KCNB2: variants seen among roughly 807,000 people sequenced by gnomAD.
KCNB2 encodes the protein delayed rectifier potassium channel protein.
Under a neutral mutation model 61.5 loss-of-function variants are expected in KCNB2, and 15 were observed. The ratio of observed to expected loss-of-function variants is 0.24; its 90% confidence interval spans 0.16 to 0.38. KCNB2 has a LOEUF of 0.38. KCNB2 is among the 10% of genes least tolerant of loss of function. The pLI is 1.00. For synonymous variants in KCNB2, 457 were observed against 446.0 expected, an observed-to-expected ratio of 1.02 and a Z score of -0.31; for missense variants, 828 against 1,125.2, an observed-to-expected ratio of 0.74 and a Z score of 3.78.
intron 2 of KCNB2, among the ~76,000 whole-genome samples, chr8:72,919,290 GTCT>G (rs1255489798): frequency 6.6e-6 from 1 of 152,040 alleles, no homozygotes; most frequent in African/African-American, 2.4e-5. Flanking sequence ...TGCCCACTAA[GTCT>G]TCTCCTTCTC....
intron 2 of KCNB2, among the ~76,000 whole-genome samples, chr8:72,575,250 C>T (rs1806777042): frequency 6.8e-6 from 1 of 146,726 alleles, no homozygotes; most frequent in South Asian, 2.3e-4. Flanking sequence ...CTCCCCCACC[C>T]CCGCCCCAGC....
At chr8:72,555,449 C>A (rs1273843007) in intron 1 of KCNB2, among the ~76,000 whole-genome samples, 1 of 151,570 alleles carries the variant, frequency 6.6e-6, no homozygotes, top group Non-Finnish European at 1.5e-5. Context: ...GAAATAAAAT[C>A]CAAATTGTAA....
At chr8:72,565,584 C>T (rs553899691) in intron 1 of KCNB2, among the ~76,000 whole-genome samples, 5 of 151,860 alleles carry the variant, frequency 3.3e-5, no homozygotes, top group Admixed American at 6.6e-5. Context: ...ATAAGAGGGA[C>T]TACAAGAGCA....
At chr8:72,671,871 A>G (rs1806571444) in intron 2 of KCNB2, among the ~76,000 whole-genome samples, 1 of 152,172 alleles carries the variant, frequency 6.6e-6, no homozygotes, top group African/African-American at 2.4e-5. Context: ...GATAGTGCTG[A>G]GTTCCCCAAA....
chr8:72,756,360 C>G (rs779173326), intron 2 of KCNB2, among the ~76,000 whole-genome samples: 12 of 152,196 alleles, frequency 7.9e-5, no homozygotes, highest in Non-Finnish European at 1.5e-5. Context: ...TCTGTGATAT[C>G]TTATACCAGT....
At chr8:72,686,421 T>C (rs9643656) in intron 2 of KCNB2, among the ~76,000 whole-genome samples, 82,008 of 151,854 alleles carry the variant, frequency 0.54, 22,686 homozygotes, top group Non-Finnish European at 0.59. Flanking sequence ...AATCATAGCT[T>C]ACTGGCCCCT....
At chr8:72,756,830 T>G (rs1808298195) in intron 2 of KCNB2, among the ~76,000 whole-genome samples, 1 of 152,070 alleles carries the variant, frequency 6.6e-6, no homozygotes, top group African/African-American at 2.4e-5. Context: ...AGTCATTGAA[T>G]AGGGAGTCAA....
At position 72,935,974 on chromosome 8, in the gene KCNB2, A is replaced by G; in HGVS notation, c.619A>G (p.Thr207Ala). The stretch of plus-strand genomic sequence containing the variant: ...GTCTATCCTGTTCATTGTGCTTTCC[A>G]CCATTGCTTTGTCTCTCAATACGCT... ...IVSILFIVLS[T>A]IALSLNTLPE... The change falls in exon 3 of 3, where the codon ACC becomes GCC. Residue 207 changes from threonine (T) to alanine (A), a missense_variant. Coordinates refer to ENST00000523207, the MANE Select transcript of KCNB2 (RefSeq NM_004770.3). The G allele has an allele frequency of 6.2e-7, 1 of 1,613,994 alleles. No individual in the cohort carries two copies. The highest frequency in any genetic ancestry group is 8.5e-7 in the Non-Finnish European group (1 of 1,179,984).
intron 2 of KCNB2, among the ~76,000 whole-genome samples, chr8:72,588,094 C>T (rs561258639): frequency 6.6e-6 from 1 of 152,284 alleles, no homozygotes; most frequent in African/African-American, 2.4e-5. Flanking sequence ...ATGGTCACAT[C>T]TCTTAAACCT....
intron 2 of KCNB2, among the ~76,000 whole-genome samples, chr8:72,824,632 T>C (rs944958376): frequency 6.6e-6 from 1 of 152,182 alleles, no homozygotes; most frequent in Non-Finnish European, 1.5e-5. Context: ...AAAGAAGCAA[T>C]TTTAATGTAA....
intron 2 of KCNB2, among the ~76,000 whole-genome samples, chr8:72,664,505 A>G (rs1445492765): frequency 6.6e-6 from 1 of 152,232 alleles, no homozygotes; most frequent in Admixed American, 6.5e-5. Flanking sequence ...TCAGCATAAA[A>G]TGCCACCTCT....
chr8:72,730,639 T>C (rs892280947), intron 2 of KCNB2, among the ~76,000 whole-genome samples: 1 of 152,188 alleles, frequency 6.6e-6, no homozygotes, highest in Admixed American at 6.5e-5. Flanking sequence ...AGCTCTTTCT[T>C]AGATACTTTT....
intron 2 of KCNB2, among the ~76,000 whole-genome samples, chr8:72,776,046 A>T (rs1213745407): frequency 2.0e-5 from 3 of 152,190 alleles, no homozygotes; most frequent in Non-Finnish European, 2.9e-5. Flanking sequence ...TGTGGCACAT[A>T]TACACCATGG....
At chr8:72,653,702 A>G (rs1289261654) in intron 2 of KCNB2, among the ~76,000 whole-genome samples, 3 of 152,176 alleles carry the variant, frequency 2.0e-5, no homozygotes, top group Non-Finnish European at 4.4e-5. Flanking sequence ...GGCTGCTTCC[A>G]TGCTATAACA....
intron 2 of KCNB2, among the ~76,000 whole-genome samples, chr8:72,589,825 T>G (rs1807064916): frequency 6.6e-6 from 1 of 152,254 alleles, no homozygotes; most frequent in Admixed American, 6.5e-5. Flanking sequence ...AACATACATC[T>G]GCAGATGCTG....
rs112420842 is a variant in KCNB2, at chr8:72,814,188, T to C, written c.580-121747T>C. Among the ~76,000 whole-genome samples the C allele has an allele frequency of 3.5e-3, 533 of 152,360 alleles. 4 individuals are homozygous for C. The highest frequency in any genetic ancestry group is 0.01 in the Middle Eastern group (3 of 294). ...TTGTGAATACATATTAATTTAATTA[T>C]CATTGCTGTATAAGTATTGCCTTGT... On this transcript the variant is annotated intron_variant, in intron 2 of 2. Transcript: ENST00000523207.
chr8:72,599,754 AAAAC>A (rs1264545657), intron 2 of KCNB2, among the ~76,000 whole-genome samples: 2 of 152,182 alleles, frequency 1.3e-5, no homozygotes, highest in East Asian at 1.9e-4. Flanking sequence ...TTACAATAAA[AAAAC>A]AAACAACCCC....
chr8:72,659,162 C>T (rs763411534), intron 2 of KCNB2, among the ~76,000 whole-genome samples: 3 of 152,108 alleles, frequency 2.0e-5, no homozygotes, highest in Non-Finnish European at 4.4e-5. Context: ...ATTCTTGATG[C>T]CATTAGGAAT....
chr8:72,815,269 T>A (rs1355411561), intron 2 of KCNB2, among the ~76,000 whole-genome samples: 1 of 152,188 alleles, frequency 6.6e-6, no homozygotes, highest in Non-Finnish European at 1.5e-5. Context: ...GGGAAGTTAC[T>A]TTCATGAGAT....
Sources: gnomAD v4.1 joint callset for allele counts (sites outside exome capture counted in the v4.1 genomes callset) on GRCh38, gnomAD v4.1.1 for gene constraint, MANE v1.5 for transcripts, NCBI Gene and HGNC (gene_info 2026-07-23, HGNC 2026-07-21) for gene names.